The following ERN1 variants were observed in gnomAD, a reference collection of about 807,000 sequenced individuals.
ERN1 encodes endoplasmic reticulum to nucleus signaling 1.
A neutral mutation model predicts 113.1 loss-of-function variants in ERN1; 39 were observed. The observed-to-expected ratio is 0.34, with a 90% CI of 0.27 to 0.45. ERN1 has a LOEUF of 0.45. Ranked by LOEUF, ERN1 falls within the 20% of genes least tolerant of loss-of-function variation. The pLI is 1.00. For missense variants in ERN1, 976 were observed against 1,274.8 expected (o/e 0.77, Z 3.57); for synonymous variants, 507 against 515.9 (o/e 0.98, Z 0.23).
intron 4 of ERN1, among the ~76,000 whole-genome samples, chr17:64,076,420 T>A (rs1913592608): frequency 6.6e-6 from 1 of 152,284 alleles, no homozygotes; most frequent in African/African-American, 2.4e-5. Flanking sequence ...ATGACTGGGT[T>A]TTGCCATGTG....
At chr17:64,117,964 A>T (rs914795349) in intron 1 of ERN1, among the ~76,000 whole-genome samples, 1 of 152,222 alleles carries the variant, frequency 6.6e-6, no homozygotes, top group Non-Finnish European at 1.5e-5. Context: ...TGCTTGGCAT[A>T]AAATATGTAC....
chr17:64,085,470 G>A (rs1391966921), intron 2 of ERN1, among the ~76,000 whole-genome samples: 2 of 152,076 alleles, frequency 1.3e-5, no homozygotes, highest in African/African-American at 2.4e-5. Flanking sequence ...TGAGGACAGC[G>A]CCAAGCCATT....
intron 1 of ERN1, among the ~76,000 whole-genome samples, chr17:64,126,835 A>G (rs533062045): frequency 2.2e-4 from 34 of 151,942 alleles, no homozygotes; most frequent in South Asian, 1.7e-3. Context: ...TACACACATG[A>G]TCCTCAGTTC....
chr17:64,081,202 T>C (rs1447753809), intron 2 of ERN1, among the ~76,000 whole-genome samples: 1 of 152,170 alleles, frequency 6.6e-6, no homozygotes, highest in East Asian at 1.9e-4. Flanking sequence ...CATTACCTTG[T>C]CCGATGCCTG....
rs370673725 is a variant in ERN1 at position 64,066,671 on chromosome 17, G to A, written c.842C>T (p.Thr281Met). 15 of 1,613,564 alleles carry A rather than the reference G, an allele frequency of 9.3e-6. No individual in the cohort carries two copies. Among genetic ancestry groups the A allele is most frequent in the Non-Finnish European group, 1.2e-5 (14 of 1,179,578 alleles). ...CTCCTTCCCCGAGCTCCCAACTCAC[G>A]TCAGCTTGCTCTTGGCCTCTGTCTC... ...PKETEAKSKL[T>M]PTLYVGKYST... Residue 281 changes from threonine to methionine, a missense_variant and splice_region_variant, in exon 8 of 22, where the codon ACG becomes ATG. Physicochemically the swap from Thr to Met is moderately conservative, Grantham distance 81. Around this residue, in one of 5 missense-constraint regions of ERN1, gnomAD observed 459 missense variants for 581.2 expected, o/e 0.79. Coordinates refer to ENST00000433197, the MANE Select transcript of ERN1 (RefSeq NM_001433.5).
intron 4 of ERN1, among the ~76,000 whole-genome samples, chr17:64,079,366 C>A (rs1440299803): frequency 6.6e-6 from 1 of 152,142 alleles, no homozygotes; most frequent in African/African-American, 2.4e-5. Context: ...GTGAGGGTCA[C>A]CAGTTAGAGC....
At chr17:64,123,528 A>C (rs1915003508) in intron 1 of ERN1, among the ~76,000 whole-genome samples, 1 of 152,210 alleles carries the variant, frequency 6.6e-6, no homozygotes, top group Admixed American at 6.5e-5. Flanking sequence ...CCACTGATAA[A>C]AGAAAATAGC....
At position 64,063,932 on chromosome 17, in the gene ERN1, C is replaced by T. The variant is rs1205288972; in HGVS notation, c.1087+54G>A. On this transcript the variant is annotated intron_variant, in intron 10 of 21. Transcript: ENST00000433197. The surrounding 1 kb of genome is among the most constrained non-coding windows in gnomAD (Gnocchi z 5.1). ...GTAACTACCAGGGCCGGCGGTCGCC[C>T]ACCAGGAGGCAGCACGCTGTCACCT... The T allele has an allele frequency of 2.5e-6, 4 of 1,576,838 alleles. No homozygotes were observed. The highest frequency in any genetic ancestry group is 3.5e-6 in the Non-Finnish European group (4 of 1,154,078).
At chr17:64,093,387 C>G (rs1914141527) in intron 2 of ERN1, among the ~76,000 whole-genome samples, 1 of 152,202 alleles carries the variant, frequency 6.6e-6, no homozygotes, top group African/African-American at 2.4e-5. Flanking sequence ...CTTCCTGGCC[C>G]CATCTGTTCA....
At position 64,047,914 on chromosome 17, in the gene ERN1, G is replaced by T; in HGVS notation, c.2473C>A (p.His825Asn). 1 of 1,613,336 alleles carries T rather than the reference G, an allele frequency of 6.2e-7. No homozygotes were observed. The highest frequency in any genetic ancestry group is 8.5e-7 in the Non-Finnish European group (1 of 1,179,382). The change falls in exon 19 of 22, where the codon CAT (histidine) becomes AAT (asparagine). Residue 825 changes from histidine to asparagine, a missense_variant. Physicochemically the swap from His to Asn is moderately conservative, Grantham distance 68. Transcript: ENST00000433197. ...CAGAAGAACGGGTGTTTGAGCACAT[G>T]CTTCGCTGAGGGGCGTTTCTGAGGA... ...MDPQKRPSAK[H>N]VLKHPFFWSL...
At chr17:64,128,343 T>C (rs1915138223) in intron 1 of ERN1, among the ~76,000 whole-genome samples, 1 of 152,160 alleles carries the variant, frequency 6.6e-6, no homozygotes, top group Admixed American at 6.5e-5. Flanking sequence ...TACGCTAAAC[T>C]ATAACCTTTT....
At chr17:64,112,920 T>A (rs1598087599) in intron 1 of ERN1, among the ~76,000 whole-genome samples, 1 of 152,170 alleles carries the variant, frequency 6.6e-6, no homozygotes, top group African/African-American at 2.4e-5. Flanking sequence ...AGATCATCAA[T>A]GCTGGAGATC....
chr17:64,068,726 G>A (rs1233498235), intron 6 of ERN1, among the ~76,000 whole-genome samples: 1 of 152,200 alleles, frequency 6.6e-6, no homozygotes, highest in Non-Finnish European at 1.5e-5. Flanking sequence ...CTGATAAAAA[G>A]GTTGGTGGAG....
chr17:64,099,351 C>G (rs1001875293), intron 1 of ERN1, among the ~76,000 whole-genome samples: 1 of 151,470 alleles, frequency 6.6e-6, no homozygotes, highest in African/African-American at 2.4e-5. Context: ...TCCATGGGAG[C>G]AGGTGTGTGC....
In ERN1 at chr17:64,054,478, G is replaced by T; in HGVS notation, c.1764-39C>A. ...AGTGGGAGTTGTGTCTGGGAAGCAC[G>T]AGTCAGGCTGTGTAAATGAGGTGAG... On this transcript the variant is annotated intron_variant, in intron 14 of 21. Transcript: ENST00000433197. The surrounding 1 kb of genome is among the most constrained non-coding windows in gnomAD (Gnocchi z 4.9). 1.3e-6 allele frequency: 2 copies of T among 1,527,966 alleles called. No individual in the cohort carries two copies. Among genetic ancestry groups the T allele is most frequent in the South Asian group, 2.4e-5 (2 of 82,320 alleles). The allele number at this position is 1,527,966 out of a possible 1,614,324, so 94.7% of individuals were successfully genotyped here.
In ERN1 at chr17:64,041,155, CAAAA is replaced by C. The variant is rs1296465087; in HGVS notation, c.*2829_*2832del. On this transcript the variant is annotated 3_prime_UTR_variant, in exon 22 of 22. Coordinates refer to ENST00000433197, the MANE Select transcript of ERN1 (RefSeq NM_001433.5). ...AGAGCGAGACTCTGTCTCAAAAAAA[CAAAA>C]AACAAACGAAAAAACACTGAAATTA... The C allele has an allele frequency of 1.3e-5, 2 of 151,884 alleles. No homozygotes were observed. The highest frequency in any genetic ancestry group is 4.8e-5 in the African/African-American group (2 of 41,346). The allele number at this position is 151,884 out of a possible 1,614,324, so 9.4% of individuals were successfully genotyped here.
chr17:64,054,830 T>C lies in ERN1; in HGVS notation c.1673-2A>G. On this transcript the variant is annotated splice_acceptor_variant, in intron 13 of 21. Coordinates refer to ENST00000433197, the MANE Select transcript of ERN1 (RefSeq NM_001433.5). LOFTEE classifies it high-confidence loss of function. The surrounding 1 kb of genome is among the most constrained non-coding windows in gnomAD (Gnocchi z 4.9). ...CTATCACCACGCTGGTTTCCTCATCTGGGACAAAATAGGAAAAAGAGATTG... is the reference window on the plus strand; with the variant it reads ...CTATCACCACGCTGGTTTCCTCATCCGGGACAAAATAGGAAAAAGAGATTG... 6.2e-7 allele frequency: 1 copy of C among 1,600,552 alleles called. No homozygotes were observed.
chr17:64,075,268 A>AAAT, intron 4 of ERN1, 21 bp from the exon 5 acceptor site: 1 of 1,420,810 alleles, frequency 7.0e-7, no homozygotes, highest in Non-Finnish European at 9.4e-7. Context: ...AAAAAAAAAG[A>AAAT]AAAAAAAAAG....
chr17:64,054,176 G>A lies in ERN1; in HGVS notation c.1953+74C>T, dbSNP rs143158636. ...GCTGGTCTCAAACTCCTGAGCTCAC[G>A]TGATCTGCTCACTTTGGCCTCCCAA... is the stretch of plus-strand genomic sequence containing the variant. On this transcript the variant is annotated intron_variant, in intron 15 of 21. Transcript: ENST00000433197. The surrounding 1 kb of genome is among the most constrained non-coding windows in gnomAD (Gnocchi z 4.9). 154 of 1,342,110 alleles carry A rather than the reference G, an allele frequency of 1.1e-4. No individual in the cohort carries two copies. The African/African-American group carries it at 2.0e-3, about 18-fold the overall frequency. 83.1% of individuals were successfully genotyped at this position (1,342,110 alleles called of 1,614,324 possible).
Sources: allele counts gnomAD v4.1 joint callset (sites outside exome capture counted in the v4.1 genomes callset), GRCh38; gene constraint gnomAD v4.1.1; regional missense constraint gnomAD v4.1.1; non-coding constraint Gnocchi (gnomAD v3.1); transcripts MANE v1.5; gene names NCBI Gene and HGNC (gene_info 2026-07-23, HGNC 2026-07-21).